SKAP1: variants seen among roughly 807,000 people sequenced by gnomAD.
The protein encoded by SKAP1 is src kinase associated phosphoprotein 1, also known as src kinase-associated phosphoprotein 1.
In SKAP1, 44 loss-of-function variants were observed where a neutral mutation model predicts 58.5. The observed-to-expected ratio is 0.75, with a 90% confidence interval of 0.59 to 0.97. SKAP1 has a LOEUF of 0.97. Among genes scored for constraint, SKAP1 ranks in the 50% least tolerant of loss-of-function variants. The pLI is 0.00. For synonymous variants in SKAP1, 127 were observed against 149.7 expected (o/e 0.85, Z 1.11); for missense variants, 390 against 435.2 (o/e 0.90, Z 0.92).
chr17:48,399,160 T>C (rs2067461921), intron 1 of SKAP1, among the ~76,000 whole-genome samples: 1 of 152,226 alleles, frequency 6.6e-6, no homozygotes, highest in South Asian at 2.1e-4. Context: ...AGCTCTGCAT[T>C]GTATCTATTG....
rs545289307 is a variant in SKAP1, at chr17:48,211,883, C to T, written c.281-22383G>A. Reference sequence around the variant, plus strand: ...CCAGCAGGAAGGAGGAAAGGGGCAACACAGACAGCACCACCATCCCTCTAC... The same window carrying T: ...CCAGCAGGAAGGAGGAAAGGGGCAATACAGACAGCACCACCATCCCTCTAC... On this transcript the variant is annotated intron_variant, in intron 4 of 12. Transcript: ENST00000336915. Among the ~76,000 whole-genome samples the T allele has an allele frequency of 2.0e-5, 3 of 152,134 alleles. No individual in the cohort carries two copies. The South Asian group carries it at 6.3e-4, about 32-fold the overall frequency.
At chr17:48,139,738 C>G (rs2063745690) in intron 11 of SKAP1, among the ~76,000 whole-genome samples, 1 of 152,128 alleles carries the variant, frequency 6.6e-6, no homozygotes, top group Admixed American at 6.6e-5. Context: ...ACTCATGTTG[C>G]TTCTGACAAC....
At position 48,182,448 on chromosome 17, in the gene SKAP1, T is replaced by C; in HGVS notation, c.577A>G (p.Thr193Ala). The change falls in exon 8 of 13, where the codon ACT (threonine) becomes GCT (alanine). Residue 193 changes from threonine (T) to alanine (A), a missense_variant. Coordinates refer to ENST00000336915, the MANE Select transcript of SKAP1 (RefSeq NM_003726.4). Reference sequence around the variant, plus strand: ...CAGTCTCTGGCTTCTGCTGGACTAGTAGCTGTAAACTAGAGAAAAATCAGT... The same window carrying C: ...CAGTCTCTGGCTTCTGCTGGACTAGCAGCTGTAAACTAGAGAAAAATCAGT... The part of the protein sequence containing the change: ...QDRRSYEFTA[T>A]SPAEARDWVD... 1 of 1,608,648 alleles carries C rather than the reference T, an allele frequency of 6.2e-7. No individual in the cohort carries two copies. Among genetic ancestry groups the C allele is most frequent in the Non-Finnish European group, 8.5e-7 (1 of 1,176,670 alleles).
intron 1 of SKAP1, among the ~76,000 whole-genome samples, chr17:48,421,233 C>T (rs1472414990): frequency 1.3e-5 from 2 of 151,396 alleles, no homozygotes; most frequent in Non-Finnish European, 2.9e-5. Flanking sequence ...GGAGAATAGA[C>T]CTTTTTTTAA....
intron 11 of SKAP1, among the ~76,000 whole-genome samples, chr17:48,144,967 A>G (rs2063810986): frequency 6.6e-6 from 1 of 152,174 alleles, no homozygotes; most frequent in Admixed American, 6.5e-5. Flanking sequence ...AACTCTACAT[A>G]TATTCTCAAT....
intron 4 of SKAP1, among the ~76,000 whole-genome samples, chr17:48,250,849 A>AC (rs1284074015): frequency 1.3e-5 from 2 of 152,190 alleles, no homozygotes; most frequent in Non-Finnish European, 2.9e-5. Flanking sequence ...CCTGAGGGAG[A>AC]CAGTCAGGGA....
chr17:48,444,126 G>T, the SKAP1 span, among the ~76,000 whole-genome samples: 2 of 99,162 alleles, frequency 2.0e-5, no homozygotes, highest in Non-Finnish European at 5.5e-5. Flanking sequence ...CGGGCGCAGT[G>T]ACTCACGCCT....
At position 48,430,110 on chromosome 17, in the gene SKAP1, G is replaced by A; in HGVS notation, c.11C>T (p.Ala4Val). Reference sequence around the variant, plus strand: ...CCAACGGATCTCCTCAGGGAGGGCGGCGGCCTGCATTTGGCTGGGCGGGAG... The same window carrying A: ...CCAACGGATCTCCTCAGGGAGGGCGACGGCCTGCATTTGGCTGGGCGGGAG... Reference protein sequence around the residue: MQAAALPEEIRWLL... With the variant: MQAVALPEEIRWLL... Residue 4 changes from alanine to valine, a missense_variant, in exon 1 of 13, where the codon GCC becomes GTC. Coordinates refer to ENST00000336915, the MANE Select transcript of SKAP1 (RefSeq NM_003726.4). 1.6e-6 allele frequency: 2 copies of A among 1,262,590 alleles called. No individual in the cohort carries two copies. The highest frequency in any genetic ancestry group is 2.0e-6 in the Non-Finnish European group (2 of 996,024). The allele number at this position is 1,262,590 out of a possible 1,614,324, so 78.2% of individuals were successfully genotyped here.
At chr17:48,189,330 G>T in intron 5 of SKAP1, 93 bp downstream of exon 5, 1 of 1,004,638 alleles carries the variant, frequency 1.0e-6, no homozygotes, top group Non-Finnish European at 1.5e-6. Flanking sequence ...CACAGTACCG[G>T]GCACAGAGAA....
intron 5 of SKAP1, 42 bp downstream of exon 5, chr17:48,189,381 C>A (rs372905996): frequency 2.0e-6 from 3 of 1,512,622 alleles, no homozygotes; most frequent in African/African-American, 2.7e-5. Flanking sequence ...CACTTCCCTT[C>A]CCTTCCTGGA....
chr17:48,328,793 G>A (rs1188073669), intron 4 of SKAP1, among the ~76,000 whole-genome samples: 1 of 151,980 alleles, frequency 6.6e-6, no homozygotes, highest in Non-Finnish European at 1.5e-5. Context: ...TTGCCCCTCT[G>A]ACCTTCTCCT....
At chr17:48,366,181 C>T (rs373168575) in intron 2 of SKAP1, among the ~76,000 whole-genome samples, 1 of 152,082 alleles carries the variant, frequency 6.6e-6, no homozygotes, top group African/African-American at 2.4e-5. Context: ...TTGGTTATTT[C>T]TTTAGTGTGT....
intron 4 of SKAP1, among the ~76,000 whole-genome samples, chr17:48,264,782 A>ACACACC (rs1555609823): frequency 6.2e-4 from 91 of 147,084 alleles, no homozygotes; most frequent in Admixed American, 1.6e-3. Flanking sequence ...ACACACACAC[A>ACACACC]CCCTCCATCT....
chr17:48,274,769 T>C (rs973837722), intron 4 of SKAP1, among the ~76,000 whole-genome samples: 2 of 152,174 alleles, frequency 1.3e-5, no homozygotes, highest in African/African-American at 2.4e-5. Context: ...CTTGAACTTC[T>C]GGCCTCAAGT....
At chr17:48,331,042 T>C (rs538868674) in intron 4 of SKAP1, among the ~76,000 whole-genome samples, 1 of 152,308 alleles carries the variant, frequency 6.6e-6, no homozygotes, top group South Asian at 2.1e-4. Context: ...GTGCTGAGGC[T>C]GATATAATCA....
At chr17:48,159,676 A>G (rs1480072524) in intron 11 of SKAP1, among the ~76,000 whole-genome samples, 1 of 152,232 alleles carries the variant, frequency 6.6e-6, no homozygotes, top group Non-Finnish European at 1.5e-5. Flanking sequence ...ACTTCTGAAT[A>G]GACAGATGGC....
At chr17:48,182,308 A>T (rs1379326175) in intron 8 of SKAP1, 86 bp downstream of exon 8, 2 of 962,624 alleles carry the variant, frequency 2.1e-6, no homozygotes, top group Non-Finnish European at 3.2e-6. Context: ...GAAAAAATAC[A>T]TACTGAAGTC....
chr17:48,232,218 G>T (rs2065133362), intron 4 of SKAP1, among the ~76,000 whole-genome samples: 1 of 152,174 alleles, frequency 6.6e-6, no homozygotes, highest in African/African-American at 2.4e-5. Flanking sequence ...TGTGCAAATG[G>T]GACTCAGGAA....
intron 4 of SKAP1, among the ~76,000 whole-genome samples, chr17:48,339,758 T>C (rs1004913453): frequency 2.6e-5 from 4 of 152,178 alleles, no homozygotes; most frequent in Admixed American, 1.3e-4. Flanking sequence ...TCAGTAAACA[T>C]TGTAAGAAGC....
Sources: allele counts gnomAD v4.1 joint callset (sites outside exome capture counted in the v4.1 genomes callset), GRCh38; gene constraint gnomAD v4.1.1; transcripts MANE v1.5; gene names NCBI Gene and HGNC (gene_info 2026-07-23, HGNC 2026-07-21).